The following NSL1 variants were observed in gnomAD, a reference collection of about 807,000 sequenced individuals.
NSL1 encodes the protein kinetochore-associated protein NSL1 homolog.
In NSL1, 11 loss-of-function variants were observed where a neutral mutation model predicts 25.4. The ratio of observed to expected loss-of-function variants is 0.43; its 90% CI spans 0.27 to 0.72. NSL1 has a LOEUF of 0.72. Ranked by LOEUF, NSL1 falls within the 30% of genes least tolerant of loss-of-function variation. NSL1 has a pLI of 0.19. For synonymous variants in NSL1, 118 were observed against 120.6 expected (o/e 0.98, Z 0.14); for missense variants, 330 against 342.7 (o/e 0.96, Z 0.29).
rs568869309 is a variant in NSL1 at position 212,736,985 on chromosome 1, C to G, written c.*1423G>C. 8 of 984,428 alleles carry G rather than the reference C, an allele frequency of 8.1e-6. 1 individual carries two copies. The South Asian group carries it at 3.8e-4, about 46-fold the overall frequency. The allele number at this position is 984,428 out of a possible 1,614,324, so 61.0% of individuals were successfully genotyped here. On this transcript the variant is annotated 3_prime_UTR_variant, in exon 6 of 6. Transcript: ENST00000366977. ...GACCTCTGAAGTGAAACAAATCATA[C>G]AGAATTTTAATACTATAAAAACATT...
rs927137133 is a variant in NSL1 at position 212,737,174 on chromosome 1, T to C, written c.*1234A>G. 16 of 985,214 alleles carry C rather than the reference T, an allele frequency of 1.6e-5. No homozygotes were observed. The South Asian group carries it at 7.5e-4, about 46-fold the overall frequency. The allele number at this position is 985,214 out of a possible 1,614,324, so 61.0% of individuals were successfully genotyped here. A position where few individuals can be genotyped will look rare whatever the true frequency, so the allele number is the denominator to read the frequency against. On this transcript the variant is annotated 3_prime_UTR_variant, in exon 6 of 6. Transcript: ENST00000366977. ...TACACAGCATCAAGATCAGTCTTTG[T>C]ACATTATTTCAATGAAAAACACATA...
Position 212,729,411 on chromosome 1 carries a change from G to C in NSL1, c.*8997C>G. ...TTAGCACAGTATTTAGATTCATCGAGTATGTGTGTAATAAAAGGTGTGGCT... is the reference window on the plus strand; with the variant it reads ...TTAGCACAGTATTTAGATTCATCGACTATGTGTGTAATAAAAGGTGTGGCT... On this transcript the variant is annotated 3_prime_UTR_variant, in exon 6 of 6. Coordinates refer to ENST00000366977, the MANE Select transcript of NSL1 (RefSeq NM_015471.4). The C allele has an allele frequency of 4.1e-6, 4 of 984,044 alleles. No homozygotes were observed. The highest frequency in any genetic ancestry group is 1.1e-4 in the East Asian group (1 of 8,804). 61.0% of individuals were successfully genotyped at this position (984,044 alleles called of 1,614,324 possible). A position where few individuals can be genotyped will look rare whatever the true frequency, so the allele number is the denominator to read the frequency against.
chr1:212,744,877 G>A (rs761406248), intron 4 of NSL1, among the ~76,000 whole-genome samples: 4 of 152,088 alleles, frequency 2.6e-5, no homozygotes, highest in African/African-American at 4.8e-5. Flanking sequence ...CATAGCTCAC[G>A]CCTGTAATCC....
At position 212,736,008 on chromosome 1, in the gene NSL1, T is replaced by C. The variant is rs1658218142; in HGVS notation, c.*2400A>G. On this transcript the variant is annotated 3_prime_UTR_variant, in exon 6 of 6. Coordinates refer to ENST00000366977, the MANE Select transcript of NSL1 (RefSeq NM_015471.4). ...AACCAGCTTTGACAGTGTTCTCTCT[T>C]CTTTGGGACTAGACTTAACCTTCTT... is the stretch of plus-strand genomic sequence containing the variant. The C allele has an allele frequency of 8.1e-6, 8 of 985,318 alleles. No individual in the cohort carries two copies. Among genetic ancestry groups the C allele is most frequent in the Non-Finnish European group, 9.6e-6 (8 of 829,944 alleles). The allele number at this position is 985,318 out of a possible 1,614,324, so 61.0% of individuals were successfully genotyped here.
At chr1:212,776,119 A>C (rs1245734559) in intron 4 of NSL1, among the ~76,000 whole-genome samples, 1 of 152,152 alleles carries the variant, frequency 6.6e-6, no homozygotes, top group Non-Finnish European at 1.5e-5. Context: ...CCAGCCCGTA[A>C]ATTGTGTTTT....
At chr1:212,779,414 C>T (rs1219140924) in intron 4 of NSL1, among the ~76,000 whole-genome samples, 2 of 138,730 alleles carry the variant, frequency 1.4e-5, no homozygotes, top group Admixed American at 7.0e-5. Flanking sequence ...CCAGCCGCCC[C>T]GTCCGGGAGG....
Position 212,737,822 on chromosome 1 carries a change from C to A in NSL1, c.*586G>T, listed in dbSNP as rs1160439996. The A allele has an allele frequency of 1.0e-6, 1 of 985,154 alleles. No homozygotes were observed. Among genetic ancestry groups the A allele is most frequent in the Non-Finnish European group, 1.2e-6 (1 of 829,896 alleles). The allele number at this position is 985,154 out of a possible 1,614,324, so 61.0% of individuals were successfully genotyped here. ...ACAAATAATAGTTATCATTGTCTTACACAACAAAAAATCCTAAAGTTAATC... is the reference window on the plus strand; with the variant it reads ...ACAAATAATAGTTATCATTGTCTTAAACAACAAAAAATCCTAAAGTTAATC... On this transcript the variant is annotated 3_prime_UTR_variant, in exon 6 of 6. Coordinates refer to ENST00000366977, the MANE Select transcript of NSL1 (RefSeq NM_015471.4).
rs947477844 is a variant in NSL1 at position 212,729,583 on chromosome 1, C to T, written c.*8825G>A. ...TGCCAGTGTCATCCCCTCATTTCTACACTTCCTCAGGATCAGAGGCAGGCA... is the reference window on the plus strand; with the variant it reads ...TGCCAGTGTCATCCCCTCATTTCTATACTTCCTCAGGATCAGAGGCAGGCA... On this transcript the variant is annotated 3_prime_UTR_variant, in exon 6 of 6. Coordinates refer to ENST00000366977, the MANE Select transcript of NSL1 (RefSeq NM_015471.4). The T allele has an allele frequency of 2.0e-6, 2 of 985,296 alleles. No individual in the cohort carries two copies. Among genetic ancestry groups the T allele is most frequent in the Non-Finnish European group, 2.4e-6 (2 of 829,946 alleles). 61.0% of individuals were successfully genotyped at this position (985,296 alleles called of 1,614,324 possible). A position where few individuals can be genotyped will look rare whatever the true frequency, so the allele number is the denominator to read the frequency against.
intron 4 of NSL1, among the ~76,000 whole-genome samples, chr1:212,741,137 T>C (rs533011338): frequency 2.0e-5 from 3 of 152,304 alleles, no homozygotes; most frequent in Non-Finnish European, 2.9e-5. Flanking sequence ...TAATTTCTAT[T>C]ATTTACGATT....
Position 212,727,386 on chromosome 1 carries a change from G to T in NSL1, c.*11022C>A. The T allele has an allele frequency of 1.0e-6, 1 of 985,308 alleles. No individual in the cohort carries two copies. The highest frequency in any genetic ancestry group is 1.2e-6 in the Non-Finnish European group (1 of 829,866). 61.0% of individuals were successfully genotyped at this position (985,308 alleles called of 1,614,324 possible). Reference sequence around the variant, plus strand: ...GAAGGTCACTTAACCAGGGAAATAAGTATCAGTCAAGTTAATGTTTCCAAA... The same window carrying T: ...GAAGGTCACTTAACCAGGGAAATAATTATCAGTCAAGTTAATGTTTCCAAA... On this transcript the variant is annotated 3_prime_UTR_variant, in exon 6 of 6. Transcript: ENST00000366977.
intron 4 of NSL1, among the ~76,000 whole-genome samples, chr1:212,746,862 G>C (rs1034417749): frequency 3.3e-5 from 5 of 152,046 alleles, no homozygotes; most frequent in Non-Finnish European, 7.4e-5. Flanking sequence ...GATGGCCCCT[G>C]TGGCCAGGTG....
At position 212,727,310 on chromosome 1, in the gene NSL1, C is replaced by T. The variant is rs532831782; in HGVS notation, c.*11098G>A. 3.9e-6 allele frequency: 5 copies of T among 1,293,616 alleles called. No homozygotes were observed. Among genetic ancestry groups the T allele is most frequent in the African/African-American group, 3.1e-5 (2 of 65,172 alleles). 80.1% of individuals were successfully genotyped at this position (1,293,616 alleles called of 1,614,324 possible). ...TTTGTTCCAGGCAGGGCCCAGGATC[C>T]CCTTCCAAATTACTGAGGGGCAGTA... is the stretch of plus-strand genomic sequence containing the variant. On this transcript the variant is annotated 3_prime_UTR_variant, in exon 6 of 6. Transcript: ENST00000366977.
chr1:212,728,313 A>G lies in NSL1; in HGVS notation c.*10095T>C, dbSNP rs1442529381. 4 of 984,104 alleles carry G rather than the reference A, an allele frequency of 4.1e-6. No individual in the cohort carries two copies. In the East Asian group the frequency reaches 3.4e-4, roughly 84 times the overall value. 61.0% of individuals were successfully genotyped at this position (984,104 alleles called of 1,614,324 possible). A position where few individuals can be genotyped will look rare whatever the true frequency, so the allele number is the denominator to read the frequency against. On this transcript the variant is annotated 3_prime_UTR_variant, in exon 6 of 6. Coordinates refer to ENST00000366977, the MANE Select transcript of NSL1 (RefSeq NM_015471.4). ...AGTATTTTTGTACAATTCCAGGCAT[A>G]AAGTGGATTCTTTATATGCCTGTTT...
intron 4 of NSL1, among the ~76,000 whole-genome samples, chr1:212,741,257 A>G (rs1045557761): frequency 6.6e-6 from 1 of 152,200 alleles, no homozygotes; most frequent in Admixed American, 6.5e-5. Context: ...TATGGATTCT[A>G]GCCAGGCCCA....
rs920467354 is a variant in NSL1 at position 212,726,922 on chromosome 1, C to T, written c.*11486G>A. 7.1e-5 allele frequency: 32 copies of T among 450,776 alleles called. No homozygotes were observed. Among genetic ancestry groups the T allele is most frequent in the Non-Finnish European group, 1.1e-4 (28 of 258,030 alleles). The allele number at this position is 450,776 out of a possible 1,614,324, so 27.9% of individuals were successfully genotyped here. A position where few individuals can be genotyped will look rare whatever the true frequency, so the allele number is the denominator to read the frequency against. ...CCCTCTGATGGACACCAGCACAGCACGGACTTTCCCGTCCTGTCTCTTCAT... is the reference window on the plus strand; with the variant it reads ...CCCTCTGATGGACACCAGCACAGCATGGACTTTCCCGTCCTGTCTCTTCAT... On this transcript the variant is annotated 3_prime_UTR_variant, in exon 6 of 6. Coordinates refer to ENST00000366977, the MANE Select transcript of NSL1 (RefSeq NM_015471.4).
intron 4 of NSL1, among the ~76,000 whole-genome samples, chr1:212,759,593 A>AC (rs766319662): frequency 4.6e-5 from 7 of 151,644 alleles, no homozygotes; most frequent in Non-Finnish European, 2.9e-5. Flanking sequence ...TACCTCACAT[A>AC]CCCCCAAGGC....
At chr1:212,738,908 G>A (rs996753833) in intron 5 of NSL1, among the ~76,000 whole-genome samples, 21 of 151,932 alleles carry the variant, frequency 1.4e-4, no homozygotes, top group African/African-American at 3.9e-4. Flanking sequence ...GACTACAGGC[G>A]CGCACCACCA....
At chr1:212,768,103 T>C (rs182348919) in intron 4 of NSL1, among the ~76,000 whole-genome samples, 6,807 of 152,164 alleles carry the variant, frequency 0.045, 201 homozygotes, top group Non-Finnish European at 0.07. Flanking sequence ...GTAGATTACC[T>C]GAGGTCAGGA....
Position 212,727,843 on chromosome 1 carries a change from A to T in NSL1, c.*10565T>A. On this transcript the variant is annotated 3_prime_UTR_variant, in exon 6 of 6. Transcript: ENST00000366977. The stretch of plus-strand genomic sequence containing the variant: ...ACATAGTAATATTCACTATTCGTTA[A>T]CTGCTGGGAAATTTAAAAATGTTTG... 1.0e-6 allele frequency: 1 copy of T among 984,768 alleles called. No homozygotes were observed. Among genetic ancestry groups the T allele is most frequent in the Non-Finnish European group, 1.2e-6 (1 of 829,304 alleles). 61.0% of individuals were successfully genotyped at this position (984,768 alleles called of 1,614,324 possible).
Sources: allele counts gnomAD v4.1 joint callset (sites outside exome capture counted in the v4.1 genomes callset), GRCh38; gene constraint gnomAD v4.1.1; transcripts MANE v1.5; gene names NCBI Gene and HGNC (gene_info 2026-07-23, HGNC 2026-07-21).